PRELID2: variants seen among roughly 807,000 people sequenced by gnomAD.
PRELID2 encodes the protein PRELI domain containing 2.
Under a neutral mutation model 28.4 loss-of-function variants are expected in PRELID2, and 25 were observed. That is an observed-to-expected ratio of 0.88 (90% CI 0.64 to 1.23). PRELID2 has a LOEUF of 1.23. Among genes scored for constraint, PRELID2 ranks in the 50% most tolerant of loss-of-function variants. PRELID2 has a pLI of 0.00. For synonymous variants in PRELID2, 76 were observed against 71.6 expected (o/e 1.06, Z -0.31); for missense variants, 201 against 214.4 (o/e 0.94, Z 0.39).
At chr5:145,420,325 T>C in the PRELID2 span, among the ~76,000 whole-genome samples, 2 of 152,122 alleles carry the variant, frequency 1.3e-5, no homozygotes, top group Non-Finnish European at 2.9e-5. Context: ...CCTTGGGCAG[T>C]ATGGCCATTT....
the PRELID2 span, among the ~76,000 whole-genome samples, chr5:145,341,279 C>A: frequency 3.7e-4 from 56 of 151,956 alleles, no homozygotes; most frequent in African/African-American, 1.3e-3. Flanking sequence ...TTTAAAATCT[C>A]AGATTAATAC....
At chr5:145,807,750 G>A (rs1403955433) in intron 4 of PRELID2, among the ~76,000 whole-genome samples, 1 of 151,792 alleles carries the variant, frequency 6.6e-6, no homozygotes, top group Non-Finnish European at 1.5e-5. Context: ...CACAAGTACT[G>A]TCTGCATCCC....
chr5:145,245,498 T>C, the PRELID2 span, among the ~76,000 whole-genome samples: 241 of 152,172 alleles, frequency 1.6e-3, 1 homozygote, highest in African/African-American at 5.6e-3. Flanking sequence ...ACGTGGTTTT[T>C]CTGGCTAGGC....
intron 5 of PRELID2, among the ~76,000 whole-genome samples, chr5:145,794,042 G>C (rs1027667998): frequency 6.6e-6 from 1 of 151,956 alleles, no homozygotes; most frequent in Non-Finnish European, 1.5e-5. Context: ...CCCTCCCAAA[G>C]AATTAATAAA....
intron 1 of PRELID2, among the ~76,000 whole-genome samples, chr5:145,705,976 CA>C (rs573240176): frequency 1.7e-3 from 229 of 138,672 alleles, no homozygotes; most frequent in South Asian, 9.2e-3. Flanking sequence ...ACACACTCCC[CA>C]CAAATTTGAT....
At chr5:145,589,599 G>A (rs1344273346) in intron 1 of PRELID2, among the ~76,000 whole-genome samples, 1 of 151,836 alleles carries the variant, frequency 6.6e-6, no homozygotes, top group East Asian at 1.9e-4. Flanking sequence ...TTATTCTTAT[G>A]TGAATTACCC....
intron 3 of PRELID2, chr5:145,819,301 C>A: frequency 1.1e-6 from 1 of 943,548 alleles, no homozygotes; most frequent in Admixed American, 1.8e-5. Context: ...TTTCCTCTGA[C>A]TTCCTCATAG....
intron 4 of PRELID2, among the ~76,000 whole-genome samples, chr5:145,812,691 CAGG>C (rs1422116551): frequency 6.6e-6 from 1 of 152,140 alleles, no homozygotes; most frequent in African/African-American, 2.4e-5. Flanking sequence ...CTAACTGATA[CAGG>C]AGGAGGGATA....
the PRELID2 span, among the ~76,000 whole-genome samples, chr5:145,425,168 A>G: frequency 6.6e-6 from 1 of 152,248 alleles, no homozygotes; most frequent in East Asian, 1.9e-4. Flanking sequence ...GCTCAGCATC[A>G]CTGATCATTA....
intron 3 of PRELID2, chr5:145,819,336 T>A (rs989603466): frequency 2.2e-6 from 3 of 1,374,526 alleles, no homozygotes; most frequent in Non-Finnish European, 3.1e-6. Context: ...CCACTGAAAA[T>A]CCCTCTATGG....
chr5:145,768,843 CCT>C (rs546251189), intron 5 of PRELID2, among the ~76,000 whole-genome samples: 55 of 152,046 alleles, frequency 3.6e-4, no homozygotes, highest in African/African-American at 1.2e-3. Context: ...TTTTTCCCCC[CCT>C]CTCATACCAC....
chr5:145,664,394 G>A (rs1428818053), intron 1 of PRELID2, among the ~76,000 whole-genome samples: 1 of 152,108 alleles, frequency 6.6e-6, no homozygotes, highest in Non-Finnish European at 1.5e-5. Context: ...AAGGCCATCA[G>A]AACCTTAGCA....
At chr5:145,491,370 T>C (rs1752267205) in intron 1 of PRELID2, among the ~76,000 whole-genome samples, 2 of 152,112 alleles carry the variant, frequency 1.3e-5, no homozygotes, top group South Asian at 4.1e-4. Context: ...GGGCTCTGCC[T>C]TCATGACTAA....
At chr5:145,321,728 G>T in the PRELID2 span, among the ~76,000 whole-genome samples, 4 of 152,132 alleles carry the variant, frequency 2.6e-5, no homozygotes, top group African/African-American at 7.2e-5. Context: ...GTTATAATTT[G>T]CCAAGCTTTT....
the PRELID2 span, among the ~76,000 whole-genome samples, chr5:145,340,409 T>C: frequency 1.3e-5 from 2 of 152,064 alleles, no homozygotes; most frequent in Admixed American, 6.5e-5. Context: ...CTGAAGAACA[T>C]GTCCACATGC....
intron 1 of PRELID2, among the ~76,000 whole-genome samples, chr5:145,512,386 T>C (rs1019695569): frequency 1.1e-4 from 16 of 152,080 alleles, no homozygotes; most frequent in Admixed American, 2.6e-4. Flanking sequence ...ACCTGGAACT[T>C]AAACTGGAAA....
chr5:145,741,141 G>A (rs183454213), intron 1 of PRELID2, among the ~76,000 whole-genome samples: 105,543 of 113,952 alleles, frequency 0.93, 48,933 homozygotes, highest in East Asian at 0.99. Context: ...AATATATAAT[G>A]TATAAATATG....
intron 1 of PRELID2, among the ~76,000 whole-genome samples, chr5:145,562,810 G>A (rs992205062): frequency 1.3e-5 from 2 of 152,096 alleles, no homozygotes; most frequent in Non-Finnish European, 2.9e-5. Flanking sequence ...GAGAAGATGG[G>A]TGATTATACC....
intron 1 of PRELID2, among the ~76,000 whole-genome samples, chr5:145,480,423 T>C (rs1752147339): frequency 6.6e-6 from 1 of 152,272 alleles, no homozygotes; most frequent in Middle Eastern, 3.4e-3. Flanking sequence ...TTCCTAGATA[T>C]TAACCACGTG....
Sources: gnomAD v4.1 joint callset for allele counts (sites outside exome capture counted in the v4.1 genomes callset) on GRCh38, gnomAD v4.1.1 for gene constraint, MANE v1.5 for transcripts, NCBI Gene and HGNC (gene_info 2026-07-23, HGNC 2026-07-21) for gene names.